Variants in NCKAP1 observed in about 807,000 individuals in gnomAD.
The protein encoded by NCKAP1 is nck-associated protein 1.
In NCKAP1, 21 loss-of-function variants were observed where a neutral mutation model predicts 151.2. That is an observed-to-expected ratio of 0.14 (90% CI 0.10 to 0.20). The LOEUF (loss-of-function observed/expected upper bound fraction) is 0.20, where lower values mean the gene tolerates loss of function less well. NCKAP1 is among the 10% of genes least tolerant of loss of function. The probability of loss-of-function intolerance (pLI) is 1.00; values close to 1 mark genes in which losing one functional copy is unlikely to be tolerated. For synonymous variants in NCKAP1, 484 were observed against 451.8 expected, an observed-to-expected ratio of 1.07 and a Z score of -0.90; for missense variants, 933 against 1,352.1, an observed-to-expected ratio of 0.69 and a Z score of 4.86.
rs1266848459 is a variant in NCKAP1 at position 182,915,726 on chromosome 2, C to T, written c.*9976G>A. Reference sequence around the variant, plus strand: ...GGTAAGATTACAGTTAAGTGTCTCACAGCTCCTGTCTTTTCTATGAAGTAC... The same window carrying T: ...GGTAAGATTACAGTTAAGTGTCTCATAGCTCCTGTCTTTTCTATGAAGTAC... On this transcript the variant is annotated 3_prime_UTR_variant, in exon 31 of 31. Transcript: ENST00000361354. 1 of 152,146 alleles carries T rather than the reference C, an allele frequency of 6.6e-6. No individual in the cohort carries two copies. Among genetic ancestry groups the T allele is most frequent in the Non-Finnish European group, 1.5e-5 (1 of 68,024 alleles). The allele number at this position is 152,146 out of a possible 1,614,324, so 9.4% of individuals were successfully genotyped here.
In NCKAP1 at chr2:182,921,986, T is replaced by C. The variant is rs756015265; in HGVS notation, c.*3716A>G. 2.6e-5 allele frequency: 4 copies of C among 152,218 alleles called. No homozygotes were observed. The highest frequency in any genetic ancestry group is 7.2e-5 in the African/African-American group (3 of 41,464). The allele number at this position is 152,218 out of a possible 1,614,324, so 9.4% of individuals were successfully genotyped here. A position where few individuals can be genotyped will look rare whatever the true frequency, so the allele number is the denominator to read the frequency against. Reference sequence around the variant, plus strand: ...TATTTTTTCCCAAAGGCAGAGGTCATGGCAAATCTTCGGAGAAAGAGAGCA... The same window carrying C: ...TATTTTTTCCCAAAGGCAGAGGTCACGGCAAATCTTCGGAGAAAGAGAGCA... On this transcript the variant is annotated 3_prime_UTR_variant, in exon 31 of 31. Transcript: ENST00000361354.
In NCKAP1 at chr2:182,994,314, T is replaced by A. The variant is rs561827811; in HGVS notation, c.790+525A>T. On this transcript the variant is annotated intron_variant, in intron 8 of 30. Transcript: ENST00000361354. ...TTGTCTTTGTCACTCACTAGCTGTG[T>A]GGCCTAAGCTTTAGATTCCCCAGCT... Among the ~76,000 whole-genome samples the A allele has an allele frequency of 3.9e-4, 59 of 152,228 alleles. 1 individual carries two copies. The highest frequency in any genetic ancestry group is 1.2e-3 in the Admixed American group (18 of 15,282).
chr2:182,941,957 A>C, intron 24 of NCKAP1, 113 bp downstream of exon 24: 1 of 773,170 alleles, frequency 1.3e-6, no homozygotes, highest in Non-Finnish European at 2.1e-6. Flanking sequence ...CATAAGCTAA[A>C]GAGTACTTTT....
rs1696424543 is a variant in NCKAP1 at position 182,913,401 on chromosome 2, A to T, written c.*12301T>A. 2.0e-5 allele frequency: 3 copies of T among 152,196 alleles called. No homozygotes were observed. In the South Asian group the frequency reaches 6.2e-4, roughly 32 times the overall value. 9.4% of individuals were successfully genotyped at this position (152,196 alleles called of 1,614,324 possible). A position where few individuals can be genotyped will look rare whatever the true frequency, so the allele number is the denominator to read the frequency against. ...AGTGAATGAATTTATTTCTAGATTA[A>T]TGGATTGATGGGCTATCAAGGGAGT... On this transcript the variant is annotated 3_prime_UTR_variant, in exon 31 of 31. Transcript: ENST00000361354.
chr2:182,967,420 C>T, intron 15 of NCKAP1, 59 bp from the exon 16 acceptor site: 1 of 1,433,808 alleles, frequency 7.0e-7, no homozygotes, highest in Non-Finnish European at 9.6e-7. Flanking sequence ...TCGGACTTGT[C>T]ATTTTACAGG....
Position 183,023,795 on chromosome 2 carries a change from A to G in NCKAP1, c.219+11T>C. The G allele has an allele frequency of 6.3e-7, 1 of 1,588,488 alleles. No individual in the cohort carries two copies. The highest frequency in any genetic ancestry group is 2.2e-5 in the East Asian group (1 of 44,700). ...TTAAAATTAAGCAATAGAAAAATTT[A>G]GATAACTTACATTGTTGTTGCGGGT... On this transcript the variant is annotated intron_variant, in intron 2 of 30. Coordinates refer to ENST00000361354, the MANE Select transcript of NCKAP1 (RefSeq NM_013436.5).
chr2:183,016,763 G>C (rs1243766147), intron 2 of NCKAP1, among the ~76,000 whole-genome samples: 1 of 152,078 alleles, frequency 6.6e-6, no homozygotes, highest in African/African-American at 2.4e-5. Flanking sequence ...ATTGTTTTTT[G>C]TTTTGTTCTG....
rs544133350 is a variant in NCKAP1 at position 182,922,495 on chromosome 2, T to C, written c.*3207A>G. 2 of 152,374 alleles carry C rather than the reference T, an allele frequency of 1.3e-5. No homozygotes were observed. The highest frequency in any genetic ancestry group is 2.1e-4 in the South Asian group (1 of 4,834). The allele number at this position is 152,374 out of a possible 1,614,324, so 9.4% of individuals were successfully genotyped here. On this transcript the variant is annotated 3_prime_UTR_variant, in exon 31 of 31. Transcript: ENST00000361354. ...GCACTCCTCATGACAGAGACACAGA[T>C]GACACACTTCTAACTTCTCAAACAT...
intron 29 of NCKAP1, among the ~76,000 whole-genome samples, chr2:182,927,633 T>C (rs1696675784): frequency 6.6e-6 from 1 of 152,166 alleles, no homozygotes; most frequent in Non-Finnish European, 1.5e-5. Context: ...TGGTAGTGAG[T>C]AGTATTTTTA....
chr2:183,018,755 A>T (rs1480304234), intron 2 of NCKAP1, among the ~76,000 whole-genome samples: 1 of 152,232 alleles, frequency 6.6e-6, no homozygotes, highest in Non-Finnish European at 1.5e-5. Flanking sequence ...ATACAAGTGA[A>T]AGCTGGTTAT....
At chr2:182,946,713 G>GT (rs1244596975) in intron 23 of NCKAP1, among the ~76,000 whole-genome samples, 1 of 106,152 alleles carries the variant, frequency 9.4e-6, no homozygotes, top group Non-Finnish European at 1.9e-5. Flanking sequence ...CAAGTCAGAG[G>GT]TAAAAAAATA....
At chr2:182,947,601 GAT>G (rs934648841) in intron 23 of NCKAP1, among the ~76,000 whole-genome samples, 6 of 151,904 alleles carry the variant, frequency 3.9e-5, no homozygotes, top group Non-Finnish European at 8.8e-5. Context: ...ATTTTATAGA[GAT>G]ATATATATAT....
intron 6 of NCKAP1, among the ~76,000 whole-genome samples, chr2:182,999,019 GA>G (rs1698328411): frequency 6.6e-6 from 1 of 151,948 alleles, no homozygotes; most frequent in South Asian, 2.1e-4. Flanking sequence ...CAAATAAATG[GA>G]AAAGCATTCT....
chr2:182,931,368 A>C (rs966519718), intron 26 of NCKAP1, among the ~76,000 whole-genome samples: 4 of 152,128 alleles, frequency 2.6e-5, no homozygotes, highest in African/African-American at 9.6e-5. Context: ...AAAGCTATCT[A>C]TATAACTGGT....
intron 18 of NCKAP1, among the ~76,000 whole-genome samples, chr2:182,959,314 G>C (rs16823896): frequency 0.1 from 15,541 of 152,036 alleles, 1,119 homozygotes; most frequent in African/African-American, 0.2. Flanking sequence ...CTTCACAAGA[G>C]ACAGAGCTAC....
intron 18 of NCKAP1, among the ~76,000 whole-genome samples, chr2:182,961,417 A>G (rs1160299497): frequency 1.3e-5 from 2 of 152,190 alleles, no homozygotes. Flanking sequence ...AAATGAGTTC[A>G]TGTCCTTTGT....
chr2:183,022,424 C>A (rs1393554413), intron 2 of NCKAP1, among the ~76,000 whole-genome samples: 1 of 152,138 alleles, frequency 6.6e-6, no homozygotes, highest in Admixed American at 6.5e-5. Context: ...TTAAGAAGTG[C>A]AAGTTTTGAA....
intron 15 of NCKAP1, among the ~76,000 whole-genome samples, chr2:182,968,195 A>T (rs186362586): frequency 6.6e-6 from 1 of 152,284 alleles, no homozygotes; most frequent in Admixed American, 6.5e-5. Flanking sequence ...TAGAAAGATT[A>T]CTCTGTATAG....
chr2:182,942,051 A>G lies in NCKAP1; in HGVS notation c.2695+19T>C. On this transcript the variant is annotated intron_variant, in intron 24 of 30. Transcript: ENST00000361354. ...TCAAGATCTTCTTATGTTTATAAAA[A>G]GTATCATGAGTTACCCACATGATAA... 6.3e-7 allele frequency: 1 copy of G among 1,578,290 alleles called. No homozygotes were observed. Among genetic ancestry groups the G allele is most frequent in the Non-Finnish European group, 8.6e-7 (1 of 1,158,582 alleles).
Sources: gnomAD v4.1 joint callset for allele counts (sites outside exome capture counted in the v4.1 genomes callset) on GRCh38, gnomAD v4.1.1 for gene constraint, MANE v1.5 for transcripts, NCBI Gene and HGNC (gene_info 2026-07-23, HGNC 2026-07-21) for gene names.